The following HDAC9 variants were observed in gnomAD, a reference collection of about 807,000 sequenced individuals.
HDAC9 encodes histone deacetylase 9.
Under a neutral mutation model 139.4 loss-of-function variants are expected in HDAC9, and 41 were observed. That is an observed-to-expected ratio of 0.29 (90% CI 0.23 to 0.38). HDAC9 has a LOEUF of 0.38. HDAC9 is among the 10% of genes least tolerant of loss of function. HDAC9 has a pLI of 1.00. For missense variants in HDAC9, 1,147 were observed against 1,297.0 expected, an observed-to-expected ratio of 0.88 and a Z score of 1.78; for synonymous variants, 517 against 476.2, an observed-to-expected ratio of 1.09 and a Z score of -1.12.
chr7:18,269,473 C>T (rs1231267732), intron 2 of HDAC9, among the ~76,000 whole-genome samples: 1 of 152,170 alleles, frequency 6.6e-6, no homozygotes, highest in Non-Finnish European at 1.5e-5. Context: ...TGAATTGGGC[C>T]TGAAGTGTAT....
intron 11 of HDAC9, among the ~76,000 whole-genome samples, chr7:18,649,306 C>T (rs919554474): frequency 2.0e-5 from 3 of 152,112 alleles, no homozygotes; most frequent in Non-Finnish European, 2.9e-5. Context: ...AGCATAATAT[C>T]AGACAGGCCA....
intron 2 of HDAC9, among the ~76,000 whole-genome samples, chr7:18,570,811 G>A (rs1180061049): frequency 1.3e-5 from 2 of 152,218 alleles, no homozygotes; most frequent in Non-Finnish European, 2.9e-5. Flanking sequence ...AACGATGTTT[G>A]TTATACAGTA....
intron 2 of HDAC9, among the ~76,000 whole-genome samples, chr7:18,165,906 T>G (rs1017596927): frequency 9.9e-5 from 15 of 152,134 alleles, no homozygotes; most frequent in African/African-American, 3.6e-4. Flanking sequence ...GGCCATCTCA[T>G]TTTTATGGGG....
intron 11 of HDAC9, among the ~76,000 whole-genome samples, chr7:18,662,331 A>C (rs566612983): frequency 2.0e-5 from 3 of 151,060 alleles, no homozygotes; most frequent in Non-Finnish European, 3.0e-5. Flanking sequence ...CCTAAAGAGA[A>C]GGGGAAAAGA....
intron 22 of HDAC9, among the ~76,000 whole-genome samples, chr7:18,896,527 A>G (rs1801213683): frequency 6.6e-6 from 1 of 152,044 alleles, no homozygotes; most frequent in Admixed American, 6.6e-5. Context: ...AGGAAGAGAG[A>G]CATCCTGTTT....
At chr7:18,095,537 C>T (rs1782449839) in intron 1 of HDAC9, among the ~76,000 whole-genome samples, 1 of 152,108 alleles carries the variant, frequency 6.6e-6, no homozygotes, top group Non-Finnish European at 1.5e-5. Context: ...GAAAAGAGGG[C>T]AGAGAAGGTT....
chr7:18,116,661 T>A (rs1224720478), intron 1 of HDAC9, among the ~76,000 whole-genome samples: 1 of 152,138 alleles, frequency 6.6e-6, no homozygotes, highest in Non-Finnish European at 1.5e-5. Context: ...TATTAACAAA[T>A]AATAGAGTTG....
At chr7:18,703,142 AC>A in intron 12 of HDAC9, among the ~76,000 whole-genome samples, 1 of 152,312 alleles carries the variant, frequency 6.6e-6, no homozygotes, top group Middle Eastern at 3.4e-3. Context: ...ATCAAAAAAA[AC>A]AGATACACTG....
intron 23 of HDAC9, among the ~76,000 whole-genome samples, chr7:18,944,528 T>G (rs1217532152): frequency 6.6e-6 from 1 of 152,202 alleles, no homozygotes; most frequent in East Asian, 1.9e-4. Context: ...TAATTTTTTT[T>G]GGATTTTTAA....
rs1795160835 is a variant in HDAC9 at position 18,255,319 on chromosome 7, A to G, written c.25+92970A>G. ...AGTGGTATAAATATGGCAGAGTGAG[A>G]TTCTTTTTAGGTTGGAGAGCCGGGC... On this transcript the variant is annotated intron_variant, in intron 2 of 12. Coordinates refer to the HDAC9 transcript ENST00000417496. Among the ~76,000 whole-genome samples the G allele has an allele frequency of 1.3e-5, 2 of 152,198 alleles. 1 individual carries two copies. Among genetic ancestry groups the G allele is most frequent in the Non-Finnish European group, 2.9e-5 (2 of 68,040 alleles).
intron 13 of HDAC9, among the ~76,000 whole-genome samples, chr7:18,736,627 TC>T (rs1261418497): frequency 6.6e-6 from 1 of 152,246 alleles, no homozygotes; most frequent in African/African-American, 2.4e-5. Flanking sequence ...GCTGCTGGAT[TC>T]GGTTTGCCAG....
chr7:18,797,288 A>G (rs1438435241), intron 17 of HDAC9, among the ~76,000 whole-genome samples: 2 of 152,208 alleles, frequency 1.3e-5, no homozygotes, highest in Non-Finnish European at 2.9e-5. Flanking sequence ...TATACATTTA[A>G]AAAAGGGGCT....
chr7:18,333,263 G>T (rs914602861), intron 1 of HDAC9, among the ~76,000 whole-genome samples: 1 of 151,530 alleles, frequency 6.6e-6, no homozygotes, highest in Non-Finnish European at 1.5e-5. Flanking sequence ...AAGTTGGAGA[G>T]AGGAAATGGG....
At chr7:18,751,972 A>G (rs1036221844) in intron 14 of HDAC9, among the ~76,000 whole-genome samples, 1 of 152,196 alleles carries the variant, frequency 6.6e-6, no homozygotes, top group African/African-American at 2.4e-5. Flanking sequence ...ACTAAACACA[A>G]TGGAAGCAAC....
intron 1 of HDAC9, among the ~76,000 whole-genome samples, chr7:18,404,255 T>C (rs1787804600): frequency 6.6e-6 from 1 of 152,210 alleles, no homozygotes; most frequent in South Asian, 2.1e-4. Flanking sequence ...GATTGACAAG[T>C]TGAAAGCCAG....
At chr7:18,113,854 T>A (rs149604806) in intron 1 of HDAC9, among the ~76,000 whole-genome samples, 1 of 152,214 alleles carries the variant, frequency 6.6e-6, no homozygotes, top group Non-Finnish European at 1.5e-5. Flanking sequence ...AGATCTATTT[T>A]CTGAAATATT....
intron 1 of HDAC9, among the ~76,000 whole-genome samples, chr7:18,423,776 T>A (rs1562972055): frequency 4.6e-5 from 7 of 152,196 alleles, no homozygotes. Context: ...ATAGGCTAGA[T>A]CTGTTTAAAG....
At chr7:18,907,026 C>G (rs541716556) in intron 22 of HDAC9, 4 of 152,250 alleles carry the variant, frequency 2.6e-5, no homozygotes, top group African/African-American at 9.6e-5. Context: ...CTTTTCACAT[C>G]GGGAGCACCC....
intron 2 of HDAC9, among the ~76,000 whole-genome samples, chr7:18,229,326 AG>A (rs1793289114): frequency 6.6e-6 from 1 of 152,204 alleles, no homozygotes; most frequent in Non-Finnish European, 1.5e-5. Flanking sequence ...TTAGATTCTA[AG>A]CTGCAGACTG....
Sources: gnomAD v4.1 joint callset for allele counts (sites outside exome capture counted in the v4.1 genomes callset) on GRCh38, gnomAD v4.1.1 for gene constraint, MANE v1.5 for transcripts, NCBI Gene and HGNC (gene_info 2026-07-23, HGNC 2026-07-21) for gene names.